CLDN16: variants seen among roughly 807,000 people sequenced by gnomAD.
CLDN16 encodes claudin 16.
A neutral mutation model predicts 24.6 loss-of-function variants in CLDN16; 13 were observed. That is an observed-to-expected ratio of 0.53 (90% CI 0.34 to 0.84). The LOEUF is 0.84. Ranked by LOEUF, CLDN16 falls within the 40% of genes least tolerant of loss-of-function variation. The pLI is 0.01. For synonymous variants in CLDN16, 116 were observed against 106.7 expected (o/e 1.09, Z -0.54); for missense variants, 298 against 292.7 (o/e 1.02, Z -0.13).
chr3:190,371,464 TAAG>T (rs1718141285), intron 2 of CLDN16, among the ~76,000 whole-genome samples: 2 of 151,922 alleles, frequency 1.3e-5, no homozygotes, highest in Non-Finnish European at 2.9e-5. Context: ...GCATCTCTAT[TAAG>T]AAGGAACTTA....
the CLDN16 span, among the ~76,000 whole-genome samples, chr3:190,308,762 T>G: frequency 1.3e-5 from 2 of 152,166 alleles, no homozygotes. Flanking sequence ...TGGATCATGG[T>G]TCCTAGGCTG....
At chr3:190,341,479 G>T (rs1259230862) in intron 1 of CLDN16, among the ~76,000 whole-genome samples, 4 of 152,156 alleles carry the variant, frequency 2.6e-5, no homozygotes, top group African/African-American at 9.7e-5. Context: ...TGGAGCAGCT[G>T]GGATGCAGGG....
upstream of CLDN16, chr3:190,322,483 G>A (rs1015069908): frequency 8.8e-6 from 4 of 454,874 alleles, no homozygotes; most frequent in African/African-American, 4.1e-5. Flanking sequence ...AAGCAGCTCC[G>A]CCCGCCTCAG....
the CLDN16 span, among the ~76,000 whole-genome samples, chr3:190,298,376 C>CACACACACA: frequency 2.7e-5 from 4 of 150,136 alleles, no homozygotes; most frequent in African/African-American, 4.9e-5. Context: ...CACACACACA[C>CACACACACA]CTTAACAATG....
Position 190,363,554 on chromosome 3 carries a change from G to GCACATATATATATA in CLDN16, n.122-7339_122-7338insCACATATATATATA, listed in dbSNP as rs10663299. ...CCAGTTGCTGTGCGTGTGTGTGTGT[G>GCACATATATATATA]TGTATATATATATATATATATATAT... On this transcript the variant is annotated intron_variant and non_coding_transcript_variant, in intron 1 of 4. Transcript: ENST00000468220. Among the ~76,000 whole-genome samples the GCACATATATATATA allele has an allele frequency of 7.4e-5, 6 of 81,354 alleles. 1 individual carries two copies. The South Asian group carries it at 1.4e-3, about 19-fold the overall frequency. 53.4% of individuals were successfully genotyped at this position (81,354 alleles called of 152,430 possible).
At chr3:190,365,562 C>A (rs933409353) in intron 1 of CLDN16, among the ~76,000 whole-genome samples, 7 of 148,452 alleles carry the variant, frequency 4.7e-5, no homozygotes, top group African/African-American at 1.7e-4. Flanking sequence ...TCCCAAACTT[C>A]CAAGAACCAG....
chr3:190,328,014 G>T (rs1350593856), intron 1 of CLDN16, among the ~76,000 whole-genome samples: 2 of 152,056 alleles, frequency 1.3e-5, no homozygotes, highest in African/African-American at 4.8e-5. Context: ...AGGTGTGGTG[G>T]CTCATCCCTA....
the CLDN16 span, chr3:190,308,399 C>T: frequency 1.7e-5 from 27 of 1,613,666 alleles, no homozygotes; most frequent in Non-Finnish European, 2.3e-5. Flanking sequence ...CAGAGAGAAG[C>T]AGCAGCCCAG....
At chr3:190,327,227 G>A (rs1032514347) in intron 1 of CLDN16, among the ~76,000 whole-genome samples, 1 of 152,184 alleles carries the variant, frequency 6.6e-6, no homozygotes, top group Non-Finnish European at 1.5e-5. Flanking sequence ...CAGAATTCCT[G>A]CTCTTCTGGG....
the CLDN16 span, among the ~76,000 whole-genome samples, chr3:190,302,980 C>T: frequency 6.6e-6 from 1 of 151,946 alleles, no homozygotes; most frequent in African/African-American, 2.4e-5. Flanking sequence ...AGAGAAATCA[C>T]ATCAAATTAT....
intron 1 of CLDN16, among the ~76,000 whole-genome samples, chr3:190,340,376 C>G (rs1453394258): frequency 2.6e-5 from 4 of 152,154 alleles, no homozygotes; most frequent in Non-Finnish European, 5.9e-5. Flanking sequence ...GGAGGCCTCA[C>G]AATCACAGTC....
chr3:190,326,147 G>T (rs544291008), intron 1 of CLDN16, among the ~76,000 whole-genome samples: 3 of 152,230 alleles, frequency 2.0e-5, no homozygotes, highest in Admixed American at 2.0e-4. Context: ...TCAAACCCTA[G>T]TGCTGTTATG....
chr3:190,333,248 G>A (rs1408097483), intron 1 of CLDN16, among the ~76,000 whole-genome samples: 1 of 152,062 alleles, frequency 6.6e-6, no homozygotes, highest in African/African-American at 2.4e-5. Context: ...TAGACCTCAG[G>A]TTTAGGAACT....
chr3:190,292,677 A>C, the CLDN16 span, among the ~76,000 whole-genome samples: 1 of 152,048 alleles, frequency 6.6e-6, no homozygotes, highest in South Asian at 2.1e-4. Flanking sequence ...ATAACTTCCA[A>C]TTTCAGATCA....
chr3:190,379,284 T>A (rs1718310392), intron 3 of CLDN16, among the ~76,000 whole-genome samples: 1 of 152,068 alleles, frequency 6.6e-6, no homozygotes, highest in South Asian at 2.1e-4. Context: ...TAAAATGTAT[T>A]CCAAAATAAA....
At chr3:190,380,274 TG>T (rs1718343301) in intron 3 of CLDN16, among the ~76,000 whole-genome samples, 8 of 76,392 alleles carry the variant, frequency 1.0e-4, no homozygotes, top group Admixed American at 4.4e-4. Context: ...TCCTTCCTTC[TG>T]TTTTTTGGTT....
intron 2 of CLDN16, among the ~76,000 whole-genome samples, chr3:190,373,886 T>C: frequency 6.6e-6 from 1 of 151,776 alleles, no homozygotes; most frequent in East Asian, 1.9e-4. Context: ...TTTGGTGGTC[T>C]GGCAAGAGAC....
rs768135151 is a variant in CLDN16, at chr3:190,404,892, C to G, written c.348C>G (p.Ile116Met). Residue 116 changes from isoleucine to methionine, a missense_variant, in exon 3 of 5, where the codon ATC becomes ATG. Coordinates refer to ENST00000264734, the MANE Select transcript of CLDN16 (RefSeq NM_006580.4). ...ATGAGCCGTACATTAAAGTCCGCAT[C>G]TGCTTTGTTGCTGGAGCCACGTTAC... ...LPDEPYIKVR[I>M]CFVAGATLLI... 2 of 1,614,106 alleles carry G rather than the reference C, an allele frequency of 1.2e-6. No individual in the cohort carries two copies. The highest frequency in any genetic ancestry group is 2.2e-5 in the South Asian group (2 of 91,082).
intron 4 of CLDN16, among the ~76,000 whole-genome samples, chr3:190,409,167 T>TGTATATTCATGTATATATGCACACAC (rs1719195371): frequency 7.2e-6 from 1 of 138,888 alleles, no homozygotes; most frequent in Non-Finnish European, 1.6e-5. Context: ...AATACACCCA[T>TGTATATTCATGTATATATGCACACAC]GTATATGCAT....
Sources: allele counts gnomAD v4.1 joint callset (sites outside exome capture counted in the v4.1 genomes callset), GRCh38; gene constraint gnomAD v4.1.1; transcripts MANE v1.5; gene names NCBI Gene and HGNC (gene_info 2026-07-23, HGNC 2026-07-21).